Variants in F7 observed in about 807,000 individuals in gnomAD.
F7 encodes FVII coagulation protein.
In F7, 38 loss-of-function variants were observed where a neutral mutation model predicts 47.5. The observed-to-expected ratio is 0.80, with a 90% CI of 0.62 to 1.05. F7 has a LOEUF of 1.05. Ranked by LOEUF, F7 falls within the 50% of genes least tolerant of loss-of-function variation. F7 has a pLI of 0.00. For missense variants in F7, 575 were observed against 605.4 expected (o/e 0.95, Z 0.53); for synonymous variants, 244 against 258.5 (o/e 0.94, Z 0.54).
Position 113,116,789 on chromosome 13 carries a change from C to T in F7, c.529C>T (p.Pro177Ser). Residue 177 changes from proline to serine, a missense_variant, in exon 6 of 8, where the codon CCT becomes TCT. Physicochemically the swap from Pro to Ser is moderately conservative, Grantham distance 74 (BLOSUM62 -1). Coordinates refer to ENST00000346342, the MANE Select transcript of F7 (RefSeq NM_019616.4). ...PTVEYPCGKI[P>S]ILEKRNASKP... ...AGTTGAATATCCATGTGGAAAAATA[C>T]CTATTCTAGAAAAAAGAAATGCCAG... The T allele has an allele frequency of 6.2e-7, 1 of 1,613,728 alleles. No individual in the cohort carries two copies. Among genetic ancestry groups the T allele is most frequent in the South Asian group, 1.1e-5 (1 of 91,078 alleles).
chr13:113,113,958 C>T lies in F7; in HGVS notation c.362C>T (p.Thr121Met), dbSNP rs751119841. 74 of 1,613,766 alleles carry T rather than the reference C, an allele frequency of 4.6e-5. No homozygotes were observed. Among genetic ancestry groups the T allele is most frequent in the Middle Eastern group, 1.6e-4 (1 of 6,074 alleles). Residue 121 changes from threonine (T) to methionine (M), a missense_variant and splice_region_variant, in exon 4 of 8, where the codon ACG becomes ATG. By Grantham distance (81) the Thr-to-Met change is moderately conservative. Coordinates refer to ENST00000346342, the MANE Select transcript of F7 (RefSeq NM_019616.4). The surrounding 1 kb of genome is among the most constrained non-coding windows in gnomAD (Gnocchi z 4.1). ...LPAFEGRNCETHKDDQLICVN... is the reference protein window; with the variant it reads ...LPAFEGRNCEMHKDDQLICVN... ...GCCTTCGAGGGCCGGAACTGTGAGACGCGTAAGGCCCCACTTTGGGTCCCA... is the reference window on the plus strand; with the variant it reads ...GCCTTCGAGGGCCGGAACTGTGAGATGCGTAAGGCCCCACTTTGGGTCCCA...
chr13:113,106,618 G>GCAAGTGT (rs60605251), intron 1 of F7, among the ~76,000 whole-genome samples: 1 of 102,630 alleles, frequency 9.7e-6, no homozygotes, highest in Non-Finnish European at 2.0e-5. Context: ...GCAGAGGATG[G>GCAAGTGT]GGCATGGGGG....
At position 113,110,766 on chromosome 13, in the gene F7, G is replaced by A. The variant is rs368856514; in HGVS notation, c.141G>A (p.Arg47=). The change falls in exon 2 of 8, where the codon CGG becomes CGA. Residue 47 remains arginine, a synonymous_variant. Coordinates refer to ENST00000346342, the MANE Select transcript of F7 (RefSeq NM_019616.4). The stretch of plus-strand genomic sequence containing the variant: ...CCAACGCGTTCCTGGAGGAGCTGCG[G>A]CCGGGCTCCCTGGAGAGGGAGTGCA... ...RRANAFLEEL[R]PGSLERECKE... is the part of the protein sequence containing the mutation. 1.2e-5 allele frequency: 18 copies of A among 1,549,812 alleles called. No individual in the cohort carries two copies. The African/African-American group carries it at 2.2e-4, about 19-fold the overall frequency.
Position 113,119,077 on chromosome 13 carries a change from T to G in F7, c.*69T>G, listed in dbSNP as rs775182543. 2.8e-6 allele frequency: 4 copies of G among 1,441,834 alleles called. No individual in the cohort carries two copies. The highest frequency in any genetic ancestry group is 3.8e-6 in the Non-Finnish European group (4 of 1,046,234). 89.3% of individuals were successfully genotyped at this position (1,441,834 alleles called of 1,614,324 possible). ...AACTGTCCTGGCACCAAATCCCATATATTCTTCTGCAGTTAATGGGGTAGA... is the reference window on the plus strand; with the variant it reads ...AACTGTCCTGGCACCAAATCCCATAGATTCTTCTGCAGTTAATGGGGTAGA... On this transcript the variant is annotated 3_prime_UTR_variant, in exon 8 of 8. Transcript: ENST00000346342.
At position 113,113,998 on chromosome 13, in the gene F7, C is replaced by G. The variant is rs768757603; in HGVS notation, c.364+38C>G. 6.2e-7 allele frequency: 1 copy of G among 1,610,652 alleles called. No individual in the cohort carries two copies. The highest frequency in any genetic ancestry group is 8.5e-7 in the Non-Finnish European group (1 of 1,178,566). On this transcript the variant is annotated intron_variant, in intron 4 of 7. Transcript: ENST00000346342. This position sits in a 1 kb window ranked among gnomAD's most constrained non-coding sequence, Gnocchi z 4.1. ...TTTGGGTCCCATATTTGCAGAGGGC[C>G]CTGGGGAGCTGGTGGAGGTGGCCTG...
At chr13:113,107,147 C>T (rs1219409340) in intron 1 of F7, among the ~76,000 whole-genome samples, 1 of 152,134 alleles carries the variant, frequency 6.6e-6, no homozygotes, top group Non-Finnish European at 1.5e-5. Flanking sequence ...GTGTGTTCTT[C>T]ATCAGGTTTT....
intron 1 of F7, among the ~76,000 whole-genome samples, chr13:113,108,599 G>T (rs2036018731): frequency 1.1e-5 from 1 of 88,144 alleles, no homozygotes; most frequent in Non-Finnish European, 2.3e-5. Flanking sequence ...GGGTGTCCCG[G>T]AGGCGAGGGT....
Position 113,113,927 on chromosome 13 carries a change from CT to C in F7, c.332del (p.Leu111ProfsTer17). 6.2e-7 allele frequency: 1 copy of C among 1,614,146 alleles called. No homozygotes were observed. Among genetic ancestry groups the C allele is most frequent in the Non-Finnish European group, 8.5e-7 (1 of 1,180,044 alleles). On this transcript the variant is annotated frameshift_variant, in exon 4 of 8. Transcript: ENST00000346342. LOFTEE classifies it high-confidence loss of function. The surrounding 1 kb of genome is among the most constrained non-coding windows in gnomAD (Gnocchi z 4.1). ...GCTCCAGTCCTATATCTGCTTCTGC[CT>C]CCCTGCCTTCGAGGGCCGGAACTGT... ...DQLQSYICFC[L>X]PAFEGRNCET...
chr13:113,119,681 A>G lies in F7; in HGVS notation c.*673A>G, dbSNP rs3093251. On this transcript the variant is annotated 3_prime_UTR_variant, in exon 8 of 8. Coordinates refer to ENST00000346342, the MANE Select transcript of F7 (RefSeq NM_019616.4). ...GAGATATGCACACACCGATGTGCGC[A>G]CACACAGATATGCACACACATGGAT... The G allele has an allele frequency of 0.035, 5,501 of 155,398 alleles. 329 individuals are homozygous for G. The highest frequency in any genetic ancestry group is 0.12 in the African/African-American group (5,101 of 41,498). 9.6% of individuals were successfully genotyped at this position (155,398 alleles called of 1,614,324 possible).
At chr13:113,110,989 G>A (rs1365422986) in intron 2 of F7, 139 bp downstream of exon 2, 16 of 1,029,096 alleles carry the variant, frequency 1.6e-5, no homozygotes, top group Non-Finnish European at 2.0e-5. Context: ...GCTTTCTGCG[G>A]GGGTCGCTTT....
Position 113,117,570 on chromosome 13 carries a change from A to C in F7, c.713A>C (p.Asn238Thr). ...GCCCACTGTTTCGACAAAATCAAGA[A>C]CTGGAGGAACCTGATCGCGGTGCTG... is the stretch of plus-strand genomic sequence containing the variant. ...SAAHCFDKIK[N>T]WRNLIAVLGE... Residue 238 changes from asparagine (N) to threonine (T), a missense_variant, in exon 7 of 8, where the codon AAC becomes ACC. By Grantham distance (65) the Asn-to-Thr change is moderately conservative. Coordinates refer to ENST00000346342, the MANE Select transcript of F7 (RefSeq NM_019616.4). 6.2e-7 allele frequency: 1 copy of C among 1,613,586 alleles called. No individual in the cohort carries two copies. The highest frequency in any genetic ancestry group is 1.7e-5 in the Admixed American group (1 of 59,972).
rs901757292 is a variant in F7, at chr13:113,117,418, A to T, written c.616-55A>T. 1.9e-6 allele frequency: 3 copies of T among 1,606,788 alleles called. No homozygotes were observed. In the African/African-American group the frequency reaches 4.0e-5, roughly 21 times the overall value. On this transcript the variant is annotated intron_variant, in intron 6 of 7. Coordinates refer to ENST00000346342, the MANE Select transcript of F7 (RefSeq NM_019616.4). ...CTTGGCATGCCCGGGAGGGCGAGTC[A>T]TCAGAGAAACAATGACAGCAATGTG... is the stretch of plus-strand genomic sequence containing the variant.
rs2774030 is a variant in F7, at chr13:113,106,101, G to A, written c.64+196G>A. Among the ~76,000 whole-genome samples the A allele has an allele frequency of 0.59, 88,689 of 149,540 alleles. 26,587 individuals carry two copies. Among genetic ancestry groups the A allele is most frequent in the Non-Finnish European group, 0.64 (43,455 of 67,528 alleles). On this transcript the variant is annotated intron_variant, in intron 1 of 7. Coordinates refer to ENST00000346342, the MANE Select transcript of F7 (RefSeq NM_019616.4). ...CACAGGAGGGGAGGCCCTTCTTGGT[G>A]GCCCAGGCTTTGGCGGGATTATTTT...
chr13:113,119,916 C>T lies in F7; in HGVS notation c.*908C>T, dbSNP rs1482124217. 3.9e-5 allele frequency: 6 copies of T among 152,286 alleles called. No individual in the cohort carries two copies. Among genetic ancestry groups the T allele is most frequent in the Non-Finnish European group, 8.8e-5 (6 of 68,104 alleles). 9.4% of individuals were successfully genotyped at this position (152,286 alleles called of 1,614,324 possible). A position where few individuals can be genotyped will look rare whatever the true frequency, so the allele number is the denominator to read the frequency against. On this transcript the variant is annotated 3_prime_UTR_variant, in exon 8 of 8. Transcript: ENST00000346342. ...GTGGCGAATGCCCCCAAACTCTCCC[C>T]CAAATGTATTTCTCCCTTCGCTGGG...
chr13:113,116,630 G>T, intron 5 of F7, 136 bp from the exon 6 acceptor site: 1 of 735,878 alleles, frequency 1.4e-6, no homozygotes, highest in Admixed American at 2.1e-5. Context: ...CCTGGGCCCT[G>T]GGAGCTCCTG....
At chr13:113,114,436 G>A (rs551906174) in intron 4 of F7, 36 of 229,538 alleles carry the variant, frequency 1.6e-4, no homozygotes, top group African/African-American at 8.0e-4. Flanking sequence ...ATCCACTGAA[G>A]TGGATACACT....
chr13:113,120,193 A>T lies in F7; in HGVS notation c.*1185A>T, dbSNP rs1412270772. On this transcript the variant is annotated 3_prime_UTR_variant, in exon 8 of 8. Coordinates refer to ENST00000346342, the MANE Select transcript of F7 (RefSeq NM_019616.4). ...GATGTTTGAGGCTGTAGCTCCCAGGATCCTGTGGAATTGGATGTTCTCTCC... is the reference window on the plus strand; with the variant it reads ...GATGTTTGAGGCTGTAGCTCCCAGGTTCCTGTGGAATTGGATGTTCTCTCC... The T allele has an allele frequency of 2.0e-5, 3 of 152,178 alleles. No individual in the cohort carries two copies. Among genetic ancestry groups the T allele is most frequent in the African/African-American group, 7.2e-5 (3 of 41,418 alleles). The allele number at this position is 152,178 out of a possible 1,614,324, so 9.4% of individuals were successfully genotyped here. A position where few individuals can be genotyped will look rare whatever the true frequency, so the allele number is the denominator to read the frequency against.
rs117540207 is a variant in F7, at chr13:113,110,871, C to T, written c.225+21C>T. On this transcript the variant is annotated intron_variant, in intron 2 of 7. Coordinates refer to ENST00000346342, the MANE Select transcript of F7 (RefSeq NM_019616.4). The stretch of plus-strand genomic sequence containing the variant: ...GGACGGTGAGCCCAGCCTCGGGGCG[C>T]CCCGCGCCGCGGACACTGCAGGCGG... 2.6e-3 allele frequency: 3,958 copies of T among 1,551,108 alleles called. 107 individuals are homozygous for T. The East Asian group carries it at 0.049, about 19-fold the overall frequency.
intron 1 of F7, among the ~76,000 whole-genome samples, chr13:113,108,752 A>AG (rs2036025044): frequency 9.5e-5 from 2 of 21,148 alleles, no homozygotes; most frequent in African/African-American, 2.0e-4. Flanking sequence ...TGGGTGTTCC[A>AG]GAGGCGAGGG....
Sources: allele counts gnomAD v4.1 joint callset (sites outside exome capture counted in the v4.1 genomes callset), GRCh38; gene constraint gnomAD v4.1.1; non-coding constraint Gnocchi (gnomAD v3.1); transcripts MANE v1.5; gene names NCBI Gene and HGNC (gene_info 2026-07-23, HGNC 2026-07-21).